The following HMBOX1 variants were observed in gnomAD, a reference collection of about 807,000 sequenced individuals.
HMBOX1 encodes the protein homeobox-containing protein 1.
In HMBOX1, 14 loss-of-function variants were observed where a neutral mutation model predicts 54.5. The ratio of observed to expected loss-of-function variants is 0.26; its 90% CI spans 0.17 to 0.40. HMBOX1 has a LOEUF of 0.40. Among genes scored for constraint, HMBOX1 ranks in the 10% least tolerant of loss-of-function variants. The pLI is 1.00. For synonymous variants in HMBOX1, 160 were observed against 181.0 expected, an observed-to-expected ratio of 0.88 and a Z score of 0.93; for missense variants, 332 against 514.4, an observed-to-expected ratio of 0.65 and a Z score of 3.43.
At position 29,018,918 on chromosome 8, in the gene HMBOX1, G is replaced by A. The variant is rs751967653; in HGVS notation, c.851+5G>A. On this transcript the variant is annotated splice_donor_5th_base_variant and intron_variant, in intron 6 of 9. Coordinates refer to ENST00000287701, the MANE Select transcript of HMBOX1 (RefSeq NM_001135726.3). ...GTGCCTGGCTGTTATGGAAAGGTAT[G>A]TGTCTCCTTTTTCTACGAATGATCT... 4 of 1,613,852 alleles carry A rather than the reference G, an allele frequency of 2.5e-6. No homozygotes were observed. Among genetic ancestry groups the A allele is most frequent in the Non-Finnish European group, 1.7e-6 (2 of 1,179,760 alleles).
chr8:29,048,014 G>A (rs1420409550), intron 8 of HMBOX1, among the ~76,000 whole-genome samples: 2 of 152,128 alleles, frequency 1.3e-5, no homozygotes, highest in Admixed American at 6.5e-5. Flanking sequence ...CTAGAATATA[G>A]AATTAGACAT....
At chr8:28,979,137 A>AT (rs1284595425) in intron 3 of HMBOX1, among the ~76,000 whole-genome samples, 1 of 152,198 alleles carries the variant, frequency 6.6e-6, no homozygotes, top group African/African-American at 2.4e-5. Flanking sequence ...CCTCTATTCT[A>AT]TGTTACTTTT....
chr8:28,924,304 T>C (rs772853829), intron 1 of HMBOX1, among the ~76,000 whole-genome samples: 34 of 151,756 alleles, frequency 2.2e-4, no homozygotes, highest in Admixed American at 1.4e-3. Flanking sequence ...AGAGATGGGG[T>C]TTCACCATGT....
intron 6 of HMBOX1, among the ~76,000 whole-genome samples, chr8:29,041,608 C>CA (rs955975228): frequency 1.3e-5 from 2 of 150,808 alleles, no homozygotes; most frequent in African/African-American, 2.4e-5. Flanking sequence ...ATTCATAGGG[C>CA]AAAAAAAATA....
At chr8:28,896,880 CA>C (rs1226188602) in intron 1 of HMBOX1, among the ~76,000 whole-genome samples, 2 of 152,116 alleles carry the variant, frequency 1.3e-5, no homozygotes, top group African/African-American at 4.8e-5. Flanking sequence ...TGAAAAATTC[CA>C]CTTAAACTTT....
intron 1 of HMBOX1, among the ~76,000 whole-genome samples, chr8:28,941,949 CAT>C (rs1821501358): frequency 6.6e-6 from 1 of 152,192 alleles, no homozygotes; most frequent in South Asian, 2.1e-4. Context: ...TGGAATGTGA[CAT>C]GTGTTCAAGA....
At chr8:29,000,086 T>C (rs1463795961) in intron 4 of HMBOX1, among the ~76,000 whole-genome samples, 4 of 152,210 alleles carry the variant, frequency 2.6e-5, no homozygotes, top group African/African-American at 9.7e-5. Context: ...GATTTAACAT[T>C]ATAAAGTTAT....
chr8:28,912,711 G>A (rs1815697334), intron 1 of HMBOX1, among the ~76,000 whole-genome samples: 2 of 151,966 alleles, frequency 1.3e-5, no homozygotes, highest in African/African-American at 4.8e-5. Context: ...GTTCCTCAGA[G>A]CTCTGCTCCA....
intron 4 of HMBOX1, among the ~76,000 whole-genome samples, chr8:29,002,760 A>C (rs1049356920): frequency 1.3e-5 from 2 of 152,222 alleles, no homozygotes; most frequent in Non-Finnish European, 2.9e-5. Context: ...AATATATTTT[A>C]AAATTCTGTC....
intron 1 of HMBOX1, among the ~76,000 whole-genome samples, chr8:28,943,004 C>T (rs1021836377): frequency 1.3e-5 from 2 of 152,180 alleles, no homozygotes; most frequent in Non-Finnish European, 2.9e-5. Flanking sequence ...AGCTTCTACT[C>T]TAGACTCCTG....
chr8:28,959,111 A>G (rs139782917), intron 1 of HMBOX1, among the ~76,000 whole-genome samples: 122 of 152,252 alleles, frequency 8.0e-4, no homozygotes, highest in Middle Eastern at 3.4e-3. Flanking sequence ...CATTCTTCTT[A>G]TAGATCTTAG....
At chr8:28,968,100 T>C (rs1826751823) in intron 2 of HMBOX1, among the ~76,000 whole-genome samples, 1 of 152,214 alleles carries the variant, frequency 6.6e-6, no homozygotes, top group African/African-American at 2.4e-5. Flanking sequence ...ATGGAAATTG[T>C]GTATATGATA....
At chr8:28,980,276 T>C in intron 4 of HMBOX1, 120 bp downstream of exon 4, 1 of 743,500 alleles carries the variant, frequency 1.3e-6, no homozygotes, top group South Asian at 1.6e-5. Context: ...TAGGCATAAT[T>C]ATGTATGCCT....
chr8:28,935,931 C>A (rs1364323754), intron 1 of HMBOX1, among the ~76,000 whole-genome samples: 1 of 151,766 alleles, frequency 6.6e-6, no homozygotes, highest in Non-Finnish European at 1.5e-5. Context: ...TGTTGGCTTT[C>A]TTTTTTTGTA....
chr8:28,959,971 T>C (rs527329679), intron 1 of HMBOX1, among the ~76,000 whole-genome samples: 3 of 152,004 alleles, frequency 2.0e-5, no homozygotes, highest in South Asian at 2.1e-4. Context: ...CCCAATACTA[T>C]GGCTGTATTT....
chr8:28,897,750 A>G (rs537944733), intron 1 of HMBOX1, among the ~76,000 whole-genome samples: 3 of 152,216 alleles, frequency 2.0e-5, no homozygotes, highest in Admixed American at 6.5e-5. Flanking sequence ...GCTAGAGAGG[A>G]TATGTTAGAA....
At chr8:29,005,490 A>G (rs1325176844) in intron 4 of HMBOX1, among the ~76,000 whole-genome samples, 1 of 152,200 alleles carries the variant, frequency 6.6e-6, no homozygotes, top group Non-Finnish European at 1.5e-5. Context: ...CATTTATTTC[A>G]TGAGCATCTT....
chr8:28,902,828 A>T (rs1813484769), intron 1 of HMBOX1, among the ~76,000 whole-genome samples: 1 of 152,144 alleles, frequency 6.6e-6, no homozygotes, highest in Non-Finnish European at 1.5e-5. Flanking sequence ...TGATGGGAGG[A>T]GTGGCAACAT....
At chr8:28,908,681 G>A (rs937069791) in intron 1 of HMBOX1, among the ~76,000 whole-genome samples, 1 of 152,186 alleles carries the variant, frequency 6.6e-6, no homozygotes, top group Non-Finnish European at 1.5e-5. Flanking sequence ...CCTGAACCTG[G>A]GAGGTGGAGG....
Sources: allele counts gnomAD v4.1 joint callset (sites outside exome capture counted in the v4.1 genomes callset), GRCh38; gene constraint gnomAD v4.1.1; transcripts MANE v1.5; gene names NCBI Gene and HGNC (gene_info 2026-07-23, HGNC 2026-07-21).